The following SUCLG1 variants were observed in gnomAD, a reference collection of about 807,000 sequenced individuals.
SUCLG1 encodes the protein succinate-CoA ligase GDP/ADP-forming subunit alpha.
SUCLG1 carries 26 observed loss-of-function variants against 37.3 expected under a neutral mutation model. The ratio of observed to expected loss-of-function variants is 0.70; its 90% CI spans 0.51 to 0.97. SUCLG1 has a LOEUF of 0.97. SUCLG1 is among the 50% of genes least tolerant of loss of function. The probability of loss-of-function intolerance (pLI) is 0.00; values close to 1 mark genes in which losing one functional copy is unlikely to be tolerated. For synonymous variants in SUCLG1, 163 were observed against 155.6 expected (o/e 1.05, Z -0.36); for missense variants, 433 against 432.9 (o/e 1.00, Z 0.00).
chr2:84,441,576 CAT>C, intron 3 of SUCLG1, 117 bp from the exon 4 acceptor site: 4 of 1,145,548 alleles, frequency 3.5e-6, no homozygotes, highest in East Asian at 5.1e-5. Context: ...TACCCAGAGA[CAT>C]AGCATTCTTC....
At chr2:84,429,780 C>T (rs532105002) in intron 7 of SUCLG1, among the ~76,000 whole-genome samples, 6 of 152,208 alleles carry the variant, frequency 3.9e-5, no homozygotes, top group African/African-American at 1.4e-4. Context: ...AGCACCAATA[C>T]CCATGTTTCA....
intron 1 of SUCLG1, among the ~76,000 whole-genome samples, chr2:84,451,879 C>T (rs1050896717): frequency 3.3e-5 from 5 of 152,322 alleles, no homozygotes; most frequent in East Asian, 1.9e-4. Context: ...CTGGAACTAA[C>T]AGACTATTAT....
chr2:84,456,662 T>C (rs77782111), intron 1 of SUCLG1, among the ~76,000 whole-genome samples: 1,662 of 152,206 alleles, frequency 0.011, 29 homozygotes, highest in African/African-American at 0.038. Flanking sequence ...CTGGATCCTT[T>C]TCCTTTTTTC....
chr2:84,459,034 G>C, intron 1 of SUCLG1, 139 bp downstream of exon 1: 1 of 865,224 alleles, frequency 1.2e-6, no homozygotes, highest in East Asian at 2.9e-5. Context: ...TCCCCGACTC[G>C]AAGCCGGAAT....
intron 1 of SUCLG1, among the ~76,000 whole-genome samples, chr2:84,452,184 A>T (rs980789870): frequency 4.5e-5 from 6 of 133,870 alleles, no homozygotes; most frequent in African/African-American, 1.8e-4. Flanking sequence ...GTACTATAAT[A>T]AAAAAAAAAA....
chr2:84,425,693 T>C (rs909806040), intron 7 of SUCLG1, 90 bp from the exon 8 acceptor site: 12 of 1,469,700 alleles, frequency 8.2e-6, no homozygotes, highest in Admixed American at 1.7e-5. Flanking sequence ...AAATGGTAAA[T>C]GGCTTGGGCA....
chr2:84,432,063 A>G (rs1573364773), intron 6 of SUCLG1, among the ~76,000 whole-genome samples: 1 of 152,198 alleles, frequency 6.6e-6, no homozygotes, highest in Non-Finnish European at 1.5e-5. Flanking sequence ...ACATTTAACA[A>G]ATTTCTTTGA....
intron 2 of SUCLG1, among the ~76,000 whole-genome samples, chr2:84,447,402 T>C (rs1033351750): frequency 1.3e-5 from 2 of 152,316 alleles, no homozygotes; most frequent in East Asian, 1.9e-4. Flanking sequence ...AGGCAAACTA[T>C]CACCTTATTT....
At chr2:84,449,577 T>G in intron 2 of SUCLG1, 72 bp downstream of exon 2, 1 of 1,057,778 alleles carries the variant, frequency 9.5e-7, no homozygotes, top group East Asian at 2.6e-5. Context: ...TTTGAGATAT[T>G]AAAAATAAAA....
At chr2:84,451,345 T>C (rs1299882119) in intron 1 of SUCLG1, among the ~76,000 whole-genome samples, 3 of 152,212 alleles carry the variant, frequency 2.0e-5, no homozygotes, top group Non-Finnish European at 4.4e-5. Flanking sequence ...GATTATAAGA[T>C]CAGATGTTAT....
chr2:84,434,004 C>G (rs903502008), intron 5 of SUCLG1, among the ~76,000 whole-genome samples: 1 of 152,074 alleles, frequency 6.6e-6, no homozygotes, highest in East Asian at 1.9e-4. Flanking sequence ...TTGAAAAGAT[C>G]CTGGCCTCTC....
intron 1 of SUCLG1, among the ~76,000 whole-genome samples, chr2:84,453,626 A>C (rs1000913320): frequency 1.3e-5 from 2 of 152,176 alleles, no homozygotes; most frequent in African/African-American, 2.4e-5. Context: ...CATGTTGGCC[A>C]GGCTGGTCTC....
At chr2:84,441,217 C>A in intron 4 of SUCLG1, 30 bp downstream of exon 4, 1 of 1,613,934 alleles carries the variant, frequency 6.2e-7, no homozygotes, top group Non-Finnish European at 8.5e-7. Context: ...GAGGCTTAAT[C>A]TGAGTTTCTT....
chr2:84,428,907 C>T (rs1379179332), intron 7 of SUCLG1, among the ~76,000 whole-genome samples: 1 of 152,168 alleles, frequency 6.6e-6, no homozygotes, highest in Non-Finnish European at 1.5e-5. Flanking sequence ...ATGAATCTCA[C>T]CCCAGTTCGT....
At chr2:84,456,908 C>A (rs1455458093) in intron 1 of SUCLG1, among the ~76,000 whole-genome samples, 1 of 152,126 alleles carries the variant, frequency 6.6e-6, no homozygotes, top group Admixed American at 6.5e-5. Flanking sequence ...GTGATCTACC[C>A]GCCTCAGCCT....
In SUCLG1 at chr2:84,454,552, G is replaced by A. The variant is rs1248208728; in HGVS notation, c.97+4621C>T. ...ATCTGTCAGGTGCTAGGGATTCACA[G>A]GTGAACAAGACAGGCTCAGGCCCTA... On this transcript the variant is annotated intron_variant, in intron 1 of 8. Coordinates refer to ENST00000393868, the MANE Select transcript of SUCLG1 (RefSeq NM_003849.4). Among the ~76,000 whole-genome samples the A allele has an allele frequency of 2.0e-5, 3 of 152,184 alleles. No homozygotes were observed. The East Asian group carries it at 5.8e-4, about 29-fold the overall frequency.
intron 5 of SUCLG1, among the ~76,000 whole-genome samples, chr2:84,439,326 G>A (rs1414445149): frequency 6.6e-6 from 1 of 152,076 alleles, no homozygotes; most frequent in African/African-American, 2.4e-5. Flanking sequence ...TCATTTTTTA[G>A]GTTTATGCTC....
intron 5 of SUCLG1, among the ~76,000 whole-genome samples, chr2:84,437,100 A>G (rs1672698924): frequency 6.6e-6 from 1 of 152,192 alleles, no homozygotes; most frequent in African/African-American, 2.4e-5. Context: ...TGTCCCATCC[A>G]CATCCTCTGT....
chr2:84,459,246 G>A lies in SUCLG1; in HGVS notation c.24C>T (p.Ala8=), dbSNP rs1000084551. The change falls in exon 1 of 9, where the codon GCC becomes GCT. Residue 8 remains alanine (A), a synonymous_variant. Coordinates refer to ENST00000393868, the MANE Select transcript of SUCLG1 (RefSeq NM_003849.4). MTATLAA[A]ADIATMVSGS... ...CGGAGACCATGGTAGCGATGTCAGC[G>A]GCAGCGGCAAGGGTTGCGGTCATAC... The A allele has an allele frequency of 7.1e-6, 11 of 1,550,588 alleles. No homozygotes were observed. The highest frequency in any genetic ancestry group is 1.2e-5 in the South Asian group (1 of 84,042).
Sources: allele counts gnomAD v4.1 joint callset (sites outside exome capture counted in the v4.1 genomes callset), GRCh38; gene constraint gnomAD v4.1.1; transcripts MANE v1.5; gene names NCBI Gene and HGNC (gene_info 2026-07-23, HGNC 2026-07-21).